The following PDE7B variants were observed in gnomAD, a reference collection of about 807,000 sequenced individuals.
The protein encoded by PDE7B is phosphodiesterase 7B.
Under a neutral mutation model 56.2 loss-of-function variants are expected in PDE7B, and 29 were observed. The ratio of observed to expected loss-of-function variants is 0.52; its 90% CI spans 0.38 to 0.70. PDE7B has a LOEUF of 0.70. Ranked by LOEUF, PDE7B falls within the 30% of genes least tolerant of loss-of-function variation. The probability of loss-of-function intolerance (pLI) is 0.00; values close to 1 mark genes in which losing one functional copy is unlikely to be tolerated. For missense variants in PDE7B, 490 were observed against 565.0 expected (o/e 0.87, Z 1.35); for synonymous variants, 197 against 196.9 (o/e 1.00, Z 0.00).
chr6:136,128,629 C>T (rs1020018351), intron 3 of PDE7B, among the ~76,000 whole-genome samples: 11 of 152,124 alleles, frequency 7.2e-5, no homozygotes, highest in South Asian at 2.1e-4. Context: ...TTACTCACAC[C>T]ATTGAGCTAA....
At chr6:135,941,455 C>T (rs1468910193) in intron 1 of PDE7B, among the ~76,000 whole-genome samples, 1 of 152,240 alleles carries the variant, frequency 6.6e-6, no homozygotes, top group Non-Finnish European at 1.5e-5. Flanking sequence ...CCCTGGATCA[C>T]TGCCACAGTG....
At chr6:136,055,117 T>A (rs748964928) in intron 2 of PDE7B, among the ~76,000 whole-genome samples, 1 of 152,240 alleles carries the variant, frequency 6.6e-6, no homozygotes, top group East Asian at 1.9e-4. Flanking sequence ...TAGAGCCAAA[T>A]GTCTGGCACA....
chr6:136,120,368 G>A (rs111912731), intron 3 of PDE7B, among the ~76,000 whole-genome samples: 1 of 152,144 alleles, frequency 6.6e-6, no homozygotes, highest in East Asian at 1.9e-4. Context: ...GCTAGGGAAG[G>A]TTGTTTTGTT....
chr6:135,989,712 TATATC>T (rs1319949713), intron 2 of PDE7B, among the ~76,000 whole-genome samples: 4 of 152,164 alleles, frequency 2.6e-5, no homozygotes, highest in Non-Finnish European at 5.9e-5. Flanking sequence ...TATATGAAAA[TATATC>T]AATCAAATTC....
At chr6:135,889,271 G>A (rs1471734054) in intron 1 of PDE7B, among the ~76,000 whole-genome samples, 1 of 151,580 alleles carries the variant, frequency 6.6e-6, no homozygotes, top group Non-Finnish European at 1.5e-5. Context: ...GGAAGACCCT[G>A]GCTCTCTAGA....
chr6:135,853,955 T>C (rs1028027682), intron 1 of PDE7B, among the ~76,000 whole-genome samples: 2 of 152,344 alleles, frequency 1.3e-5, no homozygotes, highest in Non-Finnish European at 1.5e-5. Flanking sequence ...TTTTGGTCTT[T>C]TCATGTGTTT....
chr6:135,862,443 A>G (rs975025567), intron 1 of PDE7B, among the ~76,000 whole-genome samples: 13 of 151,846 alleles, frequency 8.6e-5, no homozygotes, highest in African/African-American at 3.1e-4. Flanking sequence ...AATAATTTTT[A>G]GGATTTTGAA....
At chr6:135,934,765 A>ATATATATAT (rs1774363288) in intron 1 of PDE7B, among the ~76,000 whole-genome samples, 2 of 82,820 alleles carry the variant, frequency 2.4e-5, no homozygotes, top group African/African-American at 8.1e-5. Flanking sequence ...TTTTTTAAAT[A>ATATATATAT]TATATATATA....
At chr6:135,978,282 C>G (rs6902424) in intron 2 of PDE7B, among the ~76,000 whole-genome samples, 4,640 of 152,160 alleles carry the variant, frequency 0.03, 210 homozygotes, top group African/African-American at 0.099. Context: ...ACAGTAAAAA[C>G]ATGATACAAA....
chr6:136,053,614 G>C (rs771181316), intron 2 of PDE7B, among the ~76,000 whole-genome samples: 4 of 152,112 alleles, frequency 2.6e-5, no homozygotes, highest in Non-Finnish European at 5.9e-5. Flanking sequence ...TCTAGTTCTA[G>C]ATCCCTGAGG....
chr6:135,907,305 C>A (rs1776133282), intron 1 of PDE7B, among the ~76,000 whole-genome samples: 1 of 152,126 alleles, frequency 6.6e-6, no homozygotes, highest in Admixed American at 6.5e-5. Context: ...ACTCTTCTAG[C>A]AGCCCTAAAC....
intron 1 of PDE7B, among the ~76,000 whole-genome samples, chr6:135,931,773 G>A (rs1774294665): frequency 6.6e-6 from 1 of 152,016 alleles, no homozygotes; most frequent in Non-Finnish European, 1.5e-5. Context: ...AAGACTTTAG[G>A]TTTAATACCC....
intron 4 of PDE7B, 38 bp from the exon 5 acceptor site, chr6:136,149,049 T>A: frequency 7.0e-7 from 1 of 1,438,168 alleles, no homozygotes. Context: ...GTCTCCAGTG[T>A]GATTCATTTG....
chr6:135,859,766 G>A (rs1356523558), intron 1 of PDE7B, among the ~76,000 whole-genome samples: 1 of 151,934 alleles, frequency 6.6e-6, no homozygotes, highest in Admixed American at 6.6e-5. Context: ...AAAACATTGA[G>A]TTGGAGAATA....
At chr6:136,054,104 G>T (rs924185381) in intron 2 of PDE7B, among the ~76,000 whole-genome samples, 7 of 151,792 alleles carry the variant, frequency 4.6e-5, no homozygotes, top group Non-Finnish European at 1.0e-4. Flanking sequence ...CATTGCTTTT[G>T]GTGTTTTAGA....
intron 2 of PDE7B, among the ~76,000 whole-genome samples, chr6:136,007,300 A>T (rs1417658873): frequency 6.6e-6 from 1 of 152,112 alleles, no homozygotes; most frequent in African/African-American, 2.4e-5. Flanking sequence ...GTGCTGCTGG[A>T]TTCAGTTTGA....
At chr6:136,130,591 C>G (rs1778100924) in intron 3 of PDE7B, among the ~76,000 whole-genome samples, 1 of 152,130 alleles carries the variant, frequency 6.6e-6, no homozygotes, top group Non-Finnish European at 1.5e-5. Flanking sequence ...ACCTTCCTTA[C>G]CTGCCACAGC....
rs1043882454 is a variant in PDE7B, at chr6:135,934,599, G to C, written c.22-12865G>C. Among the ~76,000 whole-genome samples, 6 of 149,548 alleles carry C rather than the reference G, an allele frequency of 4.0e-5. No homozygotes were observed. In the East Asian group the frequency reaches 7.9e-4, roughly 20 times the overall value. On this transcript the variant is annotated intron_variant, in intron 1 of 12. Transcript: ENST00000308191. ...ACAAATATTAGCTGGGCATGGTGGT[G>C]GGTGCCTGTAATACCAGCTACTTGG...
chr6:135,877,900 A>G (rs1230328122), intron 1 of PDE7B, among the ~76,000 whole-genome samples: 1 of 152,210 alleles, frequency 6.6e-6, no homozygotes, highest in African/African-American at 2.4e-5. Flanking sequence ...GGGCTGAAGG[A>G]GCTCGTATAT....
Sources: gnomAD v4.1 joint callset for allele counts (sites outside exome capture counted in the v4.1 genomes callset) on GRCh38, gnomAD v4.1.1 for gene constraint, MANE v1.5 for transcripts, NCBI Gene and HGNC (gene_info 2026-07-23, HGNC 2026-07-21) for gene names.